The following ACVR2A variants were observed in gnomAD, a reference collection of about 807,000 sequenced individuals.
ACVR2A encodes the protein activin A receptor type 2A, also known as activin receptor type-2A.
ACVR2A carries 7 observed loss-of-function variants against 61.4 expected under a neutral mutation model. The observed-to-expected ratio is 0.11, with a 90% confidence interval of 0.06 to 0.21. The LOEUF (loss-of-function observed/expected upper bound fraction) is 0.21. ACVR2A is among the 10% of genes least tolerant of loss of function. ACVR2A has a pLI of 1.00. For missense variants in ACVR2A, 322 were observed against 621.7 expected (o/e 0.52, Z 5.13); for synonymous variants, 193 against 208.3 (o/e 0.93, Z 0.63).
At chr2:147,846,823 C>A (rs1450359267) in intron 1 of ACVR2A, among the ~76,000 whole-genome samples, 2 of 152,160 alleles carry the variant, frequency 1.3e-5, no homozygotes, top group African/African-American at 4.8e-5. Context: ...GTGAACTCCT[C>A]TTGTTCAAAT....
intron 1 of ACVR2A, among the ~76,000 whole-genome samples, chr2:147,887,855 AC>A (rs951241540): frequency 3.3e-5 from 5 of 152,212 alleles, no homozygotes; most frequent in African/African-American, 1.2e-4. Context: ...AGAAGTGTGC[AC>A]TTTGGGAGAA....
chr2:147,927,471 G>A lies in ACVR2A; in HGVS notation c.*197G>A, dbSNP rs894880405. The A allele has an allele frequency of 2.0e-6, 1 of 490,186 alleles. No individual in the cohort carries two copies. Among genetic ancestry groups the A allele is most frequent in the African/African-American group, 2.0e-5 (1 of 49,630 alleles). The allele number at this position is 490,186 out of a possible 1,614,324, so 30.4% of individuals were successfully genotyped here. ...CCGACAGCACAGATGTGAAGGACAT[G>A]AGACTAAGAGAAACCTTGCAAACTC... On this transcript the variant is annotated 3_prime_UTR_variant, in exon 11 of 11. Transcript: ENST00000241416.
At chr2:147,889,920 A>T (rs539726519) in intron 1 of ACVR2A, among the ~76,000 whole-genome samples, 4 of 151,694 alleles carry the variant, frequency 2.6e-5, no homozygotes, top group African/African-American at 9.7e-5. Flanking sequence ...AACTCATACT[A>T]GATTATGTGA....
intron 1 of ACVR2A, among the ~76,000 whole-genome samples, chr2:147,895,113 A>G (rs1268526534): frequency 6.6e-6 from 1 of 152,192 alleles, no homozygotes; most frequent in Non-Finnish European, 1.5e-5. Context: ...ATTTGCTACC[A>G]TAAAATATAC....
chr2:147,875,481 T>C (rs1436518560), intron 1 of ACVR2A, among the ~76,000 whole-genome samples: 1 of 151,900 alleles, frequency 6.6e-6, no homozygotes, highest in Non-Finnish European at 1.5e-5. Flanking sequence ...ATCTCTTTTT[T>C]CCCCTGTGGA....
intron 1 of ACVR2A, among the ~76,000 whole-genome samples, chr2:147,857,983 C>T (rs1216411793): frequency 6.6e-6 from 1 of 152,092 alleles, no homozygotes; most frequent in Non-Finnish European, 1.5e-5. Context: ...CCTCCTCCCT[C>T]CCATAGGCCC....
chr2:147,858,449 T>C (rs1302868007), intron 1 of ACVR2A, among the ~76,000 whole-genome samples: 1 of 152,210 alleles, frequency 6.6e-6, no homozygotes, highest in Non-Finnish European at 1.5e-5. Flanking sequence ...CCTTAAAGGC[T>C]CTGTATGATA....
At position 147,927,426 on chromosome 2, in the gene ACVR2A, C is replaced by G; in HGVS notation, c.*152C>G. ...AGACCCTTTGTTGAAAAATGTTGCTCTGGGAGACTTACTGCATTGCCGACA... is the reference window on the plus strand; with the variant it reads ...AGACCCTTTGTTGAAAAATGTTGCTGTGGGAGACTTACTGCATTGCCGACA... On this transcript the variant is annotated 3_prime_UTR_variant, in exon 11 of 11. Coordinates refer to ENST00000241416, the MANE Select transcript of ACVR2A (RefSeq NM_001616.5). The G allele has an allele frequency of 1.4e-6, 1 of 738,810 alleles. No individual in the cohort carries two copies. Among genetic ancestry groups the G allele is most frequent in the South Asian group, 2.1e-5 (1 of 47,038 alleles). The allele number at this position is 738,810 out of a possible 1,614,324, so 45.8% of individuals were successfully genotyped here. A position where few individuals can be genotyped will look rare whatever the true frequency, so the allele number is the denominator to read the frequency against.
intron 1 of ACVR2A, among the ~76,000 whole-genome samples, chr2:147,867,351 A>G (rs765827253): frequency 6.6e-6 from 1 of 152,212 alleles, no homozygotes; most frequent in African/African-American, 2.4e-5. Flanking sequence ...GAGAGAGCTT[A>G]CAGAAAGGGG....
chr2:147,855,128 CCTT>C (rs1007155734), intron 1 of ACVR2A, among the ~76,000 whole-genome samples: 2 of 152,190 alleles, frequency 1.3e-5, no homozygotes, highest in Non-Finnish European at 2.9e-5. Flanking sequence ...GATCTGCCCT[CCTT>C]GGCCTCCCAA....
intron 1 of ACVR2A, among the ~76,000 whole-genome samples, chr2:147,895,468 T>A (rs996311991): frequency 1.3e-5 from 2 of 152,170 alleles, no homozygotes; most frequent in Non-Finnish European, 2.9e-5. Context: ...TTTAGTGCAA[T>A]GCCGTGAACC....
chr2:147,890,341 A>AGTGTGTGTGTGTGTGT (rs60514095), intron 1 of ACVR2A, among the ~76,000 whole-genome samples: 46 of 148,950 alleles, frequency 3.1e-4, no homozygotes, highest in African/African-American at 6.9e-4. Context: ...CCATTAGTAT[A>AGTGTGTGTGTGTGTGT]GTGTGTGTGT....
At chr2:147,908,903 AAC>A (rs996663292) in intron 4 of ACVR2A, among the ~76,000 whole-genome samples, 1 of 152,144 alleles carries the variant, frequency 6.6e-6, no homozygotes, top group African/African-American at 2.4e-5. Context: ...GAAATCTTAT[AAC>A]ACATATCATA....
intron 1 of ACVR2A, among the ~76,000 whole-genome samples, chr2:147,876,099 T>C (rs969834525): frequency 6.6e-6 from 1 of 152,152 alleles, no homozygotes; most frequent in African/African-American, 2.4e-5. Flanking sequence ...TACTGTGCTC[T>C]TGCAAGCATC....
intron 1 of ACVR2A, among the ~76,000 whole-genome samples, chr2:147,865,769 T>A (rs1436559703): frequency 6.6e-6 from 1 of 152,192 alleles, no homozygotes; most frequent in Non-Finnish European, 1.5e-5. Flanking sequence ...AGACACAATC[T>A]TTACCCTAGG....
At chr2:147,910,138 T>G (rs1475124278) in intron 4 of ACVR2A, among the ~76,000 whole-genome samples, 1 of 152,182 alleles carries the variant, frequency 6.6e-6, no homozygotes. Flanking sequence ...CTTCATATTT[T>G]GTTGCATAGT....
chr2:147,881,305 C>T (rs1022716021), intron 1 of ACVR2A, among the ~76,000 whole-genome samples: 3 of 152,044 alleles, frequency 2.0e-5, no homozygotes, highest in African/African-American at 7.2e-5. Context: ...TGTCTTTATT[C>T]TGGGCTACCA....
chr2:147,855,236 G>C (rs1220381460), intron 1 of ACVR2A, among the ~76,000 whole-genome samples: 1 of 152,110 alleles, frequency 6.6e-6, no homozygotes, highest in Non-Finnish European at 1.5e-5. Context: ...GGTGGGGAAG[G>C]GTGTGACTTT....
chr2:147,862,633 A>G (rs948022846), intron 1 of ACVR2A, among the ~76,000 whole-genome samples: 3 of 151,970 alleles, frequency 2.0e-5, no homozygotes, highest in African/African-American at 7.2e-5. Flanking sequence ...AATCTCAGCT[A>G]CTGGGGAGGC....
Sources: allele counts gnomAD v4.1 joint callset (sites outside exome capture counted in the v4.1 genomes callset), GRCh38; gene constraint gnomAD v4.1.1; transcripts MANE v1.5; gene names NCBI Gene and HGNC (gene_info 2026-07-23, HGNC 2026-07-21).